SENP6: variants seen among roughly 807,000 people sequenced by gnomAD.
The protein encoded by SENP6 is SUMO specific peptidase 6.
Under a neutral mutation model 134.5 loss-of-function variants are expected in SENP6, and 41 were observed. The ratio of observed to expected loss-of-function variants is 0.30; its 90% CI spans 0.24 to 0.40. The LOEUF is 0.40. SENP6 is among the 10% of genes least tolerant of loss of function. SENP6 has a pLI of 1.00. For synonymous variants in SENP6, 395 were observed against 429.8 expected, an observed-to-expected ratio of 0.92 and a Z score of 1.00; for missense variants, 1,248 against 1,312.5, an observed-to-expected ratio of 0.95 and a Z score of 0.76.
intron 1 of SENP6, among the ~76,000 whole-genome samples, chr6:75,613,152 A>C (rs1020051050): frequency 1.3e-5 from 2 of 152,030 alleles, no homozygotes; most frequent in Non-Finnish European, 2.9e-5. Context: ...GACCCAGCCA[A>C]ATTTGTCCAG....
intron 1 of SENP6, among the ~76,000 whole-genome samples, chr6:75,603,710 G>A (rs1225917025): frequency 6.6e-6 from 1 of 152,104 alleles, no homozygotes; most frequent in Non-Finnish European, 1.5e-5. Flanking sequence ...ACAGCACCTC[G>A]AACAGTGCCT....
chr6:75,644,926 C>T (rs1770318333), intron 6 of SENP6, among the ~76,000 whole-genome samples: 1 of 152,294 alleles, frequency 6.6e-6, no homozygotes, highest in Non-Finnish European at 1.5e-5. Flanking sequence ...AACTTTTCTG[C>T]AAATCTAAAA....
At chr6:75,617,515 G>A (rs1037128478) in intron 1 of SENP6, among the ~76,000 whole-genome samples, 3 of 151,592 alleles carry the variant, frequency 2.0e-5, no homozygotes, top group African/African-American at 4.8e-5. Context: ...CAGGTGATCC[G>A]CCCGCCTCCG....
intron 1 of SENP6, among the ~76,000 whole-genome samples, chr6:75,617,782 T>C (rs141948770): frequency 3.0e-4 from 45 of 152,326 alleles, no homozygotes; most frequent in Non-Finnish European, 5.9e-4. Flanking sequence ...TCCAGGACTT[T>C]GGATTTGATT....
intron 18 of SENP6, among the ~76,000 whole-genome samples, chr6:75,701,155 G>A (rs1375769572): frequency 6.6e-6 from 1 of 152,160 alleles, no homozygotes; most frequent in Non-Finnish European, 1.5e-5. Context: ...AAGATAACTT[G>A]TTTTTCATCC....
chr6:75,687,283 A>G (rs1168093087), intron 16 of SENP6, among the ~76,000 whole-genome samples: 1 of 152,112 alleles, frequency 6.6e-6, no homozygotes, highest in Non-Finnish European at 1.5e-5. Flanking sequence ...TCTTTATTCT[A>G]GTTAGCTATT....
Position 75,675,871 on chromosome 6 carries a change from G to T in SENP6, c.1438G>T (p.Asp480Tyr), listed in dbSNP as rs375932789. ...IKIQLDEPDHDPVEIILNTSD... is the reference protein window; with the variant it reads ...IKIQLDEPDHYPVEIILNTSD... ...TTGTTTTCCTCCAGAACCAGACCAT[G>T]ATCCTGTAGAGATTATATTAAATAC... The change falls in exon 13 of 24, where the codon GAT (aspartate) becomes TAT (tyrosine). Residue 480 changes from aspartate (D) to tyrosine (Y), a missense_variant. Coordinates refer to ENST00000447266, the MANE Select transcript of SENP6 (RefSeq NM_015571.4). The T allele has an allele frequency of 1.3e-4, 199 of 1,584,552 alleles. No individual in the cohort carries two copies. Among genetic ancestry groups the T allele is most frequent in the Non-Finnish European group, 1.6e-4 (193 of 1,169,930 alleles).
intron 10 of SENP6, 70 bp from the exon 11 acceptor site, chr6:75,670,483 A>G (rs1772582877): frequency 1.9e-6 from 2 of 1,076,528 alleles, no homozygotes; most frequent in Admixed American, 2.2e-5. Context: ...GGGTCTTTGC[A>G]TATGTTTATA....
intron 7 of SENP6, among the ~76,000 whole-genome samples, chr6:75,654,607 A>G (rs756072743): frequency 6.6e-6 from 1 of 152,226 alleles, no homozygotes; most frequent in Non-Finnish European, 1.5e-5. Context: ...GGAGAAAACC[A>G]TTTTTCTAGT....
intron 1 of SENP6, among the ~76,000 whole-genome samples, chr6:75,616,745 C>CAA (rs1227499332): frequency 1.5e-4 from 9 of 58,946 alleles, no homozygotes; most frequent in East Asian, 1.3e-3. Context: ...GACTCCATCT[C>CAA]AAAAAAAAAA....
intron 19 of SENP6, among the ~76,000 whole-genome samples, chr6:75,706,468 A>G (rs946206553): frequency 3.3e-5 from 5 of 152,198 alleles, no homozygotes; most frequent in Admixed American, 1.3e-4. Context: ...CTAGGGTTTC[A>G]TATACACAAA....
chr6:75,703,828 T>C (rs1775208667), intron 19 of SENP6, among the ~76,000 whole-genome samples: 2 of 152,190 alleles, frequency 1.3e-5, no homozygotes, highest in Admixed American at 6.5e-5. Context: ...GTGCCCTTTT[T>C]GTAGTCTGTC....
At chr6:75,676,134 G>A in intron 13 of SENP6, 80 bp downstream of exon 13, 1 of 918,558 alleles carries the variant, frequency 1.1e-6, no homozygotes, top group Non-Finnish European at 1.6e-6. Context: ...AAATGTGAGT[G>A]CACTTTGACA....
intron 18 of SENP6, among the ~76,000 whole-genome samples, chr6:75,702,406 C>T (rs1775098085): frequency 6.6e-6 from 1 of 151,862 alleles, no homozygotes; most frequent in South Asian, 2.1e-4. Flanking sequence ...TTAGTAGAGA[C>T]AGGGTTTTGC....
intron 16 of SENP6, among the ~76,000 whole-genome samples, chr6:75,683,877 C>T (rs955730779): frequency 5.3e-5 from 8 of 152,042 alleles, no homozygotes; most frequent in African/African-American, 1.9e-4. Flanking sequence ...CTTGGCAATG[C>T]GGGCTCTTTT....
chr6:75,675,898 T>A lies in SENP6; in HGVS notation c.1465T>A (p.Ser489Thr). The change falls in exon 13 of 24, where the codon TCT becomes ACT. Residue 489 changes from serine to threonine, a missense_variant. This residue lies in a region of SENP6 where 733 missense variants were observed against 725.4 expected (regional missense o/e 1.01). Transcript: ENST00000447266. ...HDPVEIILNT[S>T]DLTKCEWCNV... ...TCCTGTAGAGATTATATTAAATACC[T>A]CTGATCTAACTAAATGTGAATGGTG... 6.2e-7 allele frequency: 1 copy of A among 1,608,474 alleles called. No homozygotes were observed. Among genetic ancestry groups the A allele is most frequent in the South Asian group, 1.1e-5 (1 of 89,806 alleles).
chr6:75,650,145 G>T (rs1770758714), intron 7 of SENP6, among the ~76,000 whole-genome samples: 1 of 152,148 alleles, frequency 6.6e-6, no homozygotes, highest in African/African-American at 2.4e-5. Context: ...TGATGATGAT[G>T]TCTTAGGATT....
intron 16 of SENP6, among the ~76,000 whole-genome samples, chr6:75,683,746 A>G (rs1562046485): frequency 6.6e-6 from 1 of 152,014 alleles, no homozygotes; most frequent in African/African-American, 2.4e-5. Flanking sequence ...TTTCTGTTCC[A>G]TTGGTGTATA....
At chr6:75,675,710 A>ATT (rs201073122) in intron 12 of SENP6, 150 bp from the exon 13 acceptor site, 50 of 880,070 alleles carry the variant, frequency 5.7e-5, no homozygotes, top group Admixed American at 8.2e-5. Context: ...AGTTATAAAG[A>ATT]TTTTTTTTAT....
Sources: gnomAD v4.1 joint callset for allele counts (sites outside exome capture counted in the v4.1 genomes callset) on GRCh38, gnomAD v4.1.1 for gene constraint, gnomAD v4.1.1 regional missense constraint, MANE v1.5 for transcripts, NCBI Gene and HGNC (gene_info 2026-07-23, HGNC 2026-07-21) for gene names.